LRIG3: variants seen among roughly 807,000 people sequenced by gnomAD.
LRIG3 encodes the protein leucine-rich repeats and immunoglobulin-like domains protein 3.
A neutral mutation model predicts 114.5 loss-of-function variants in LRIG3; 76 were observed. The ratio of observed to expected loss-of-function variants is 0.66; its 90% CI spans 0.55 to 0.80. The LOEUF (loss-of-function observed/expected upper bound fraction) is 0.80, where lower values mean the gene tolerates loss of function less well. LRIG3 is among the 30% of genes least tolerant of loss of function. The probability of loss-of-function intolerance (pLI) is 0.00; values close to 1 mark genes in which losing one functional copy is unlikely to be tolerated. For missense variants in LRIG3, 1,239 were observed against 1,382.8 expected (o/e 0.90, Z 1.65); for synonymous variants, 512 against 519.8 (o/e 0.98, Z 0.20).
chr12:58,909,266 C>CT (rs1419881661), intron 3 of LRIG3, among the ~76,000 whole-genome samples: 1 of 152,184 alleles, frequency 6.6e-6, no homozygotes, highest in Non-Finnish European at 1.5e-5. Flanking sequence ...TTCCTGTCTG[C>CT]TTTCTGAATC....
intron 16 of LRIG3, among the ~76,000 whole-genome samples, chr12:58,876,152 A>G (rs1358203407): frequency 6.6e-6 from 1 of 152,256 alleles, no homozygotes; most frequent in African/African-American, 2.4e-5. Flanking sequence ...AATATCATTT[A>G]AGGGCCAAAG....
At chr12:58,882,249 C>A (rs1387237456) in intron 12 of LRIG3, among the ~76,000 whole-genome samples, 4 of 152,142 alleles carry the variant, frequency 2.6e-5, no homozygotes, top group African/African-American at 9.7e-5. Flanking sequence ...ATGGCAGCAT[C>A]ATGTAATAGA....
intron 3 of LRIG3, among the ~76,000 whole-genome samples, chr12:58,899,854 T>A (rs568648328): frequency 2.0e-5 from 3 of 152,302 alleles, no homozygotes; most frequent in African/African-American, 7.2e-5. Context: ...AATGGCCACA[T>A]GTCAGTTTCT....
In LRIG3 at chr12:58,877,632, C is replaced by G; in HGVS notation, c.2304G>C (p.Glu768Asp). The change falls in exon 15 of 19, where the codon GAG (glutamate) becomes GAC (aspartate). Residue 768 changes from glutamate to aspartate, a missense_variant. Coordinates refer to ENST00000320743, the MANE Select transcript of LRIG3 (RefSeq NM_153377.5). Reference protein sequence around the residue: ...DVSDAGKYTCEMSNTLGTERG... With the variant: ...DVSDAGKYTCDMSNTLGTERG... Reference sequence around the variant, plus strand: ...TCTCAGTGCCAAGGGTGTTAGACATCTCACATGTGTATTTCCCAGCATCAC... The same window carrying G: ...TCTCAGTGCCAAGGGTGTTAGACATGTCACATGTGTATTTCCCAGCATCAC... 1 of 1,614,220 alleles carries G rather than the reference C, an allele frequency of 6.2e-7. No individual in the cohort carries two copies. Among genetic ancestry groups the G allele is most frequent in the Non-Finnish European group, 8.5e-7 (1 of 1,180,046 alleles).
chr12:58,890,287 T>C, intron 4 of LRIG3, 148 bp from the exon 5 acceptor site: 1 of 874,904 alleles, frequency 1.1e-6, no homozygotes, highest in Non-Finnish European at 1.7e-6. Flanking sequence ...AGGACAGATG[T>C]TAAGATTCAC....
At chr12:58,889,943 A>G in intron 5 of LRIG3, 53 bp downstream of exon 5, 1 of 1,584,602 alleles carries the variant, frequency 6.3e-7, no homozygotes, top group Non-Finnish European at 8.6e-7. Context: ...AGGAAAAGAC[A>G]CCAAGGGTTT....
At position 58,877,771 on chromosome 12, in the gene LRIG3, C is replaced by T. The variant is rs1295856236; in HGVS notation, c.2165G>A (p.Gly722Glu). 1 of 1,614,190 alleles carries T rather than the reference C, an allele frequency of 6.2e-7. No homozygotes were observed. Among genetic ancestry groups the T allele is most frequent in the Non-Finnish European group, 8.5e-7 (1 of 1,180,034 alleles). Residue 722 changes from glycine (G) to glutamate (E), a missense_variant, in exon 15 of 19, where the codon GGA becomes GAA. Coordinates refer to ENST00000320743, the MANE Select transcript of LRIG3 (RefSeq NM_153377.5). Reference sequence around the variant, plus strand: ...CCAGTTCAGTTTAGGGGGAGGGCTTCCTCCAGCAATGCACTGTAGGACGGC... The same window carrying T: ...CCAGTTCAGTTTAGGGGGAGGGCTTTCTCCAGCAATGCACTGTAGGACGGC... ...ETAVLQCIAG[G>E]SPPPKLNWTK...
In LRIG3 at chr12:58,880,912, T is replaced by C; in HGVS notation, c.1481-11A>G. 6.2e-7 allele frequency: 1 copy of C among 1,607,402 alleles called. No individual in the cohort carries two copies. Among genetic ancestry groups the C allele is most frequent in the South Asian group, 1.1e-5 (1 of 90,472 alleles). ...GTTTGGGAAAATCATCTGTTAAAAATGGAGAGGAGGAGACAAAACAATGTT... is the reference window on the plus strand; with the variant it reads ...GTTTGGGAAAATCATCTGTTAAAAACGGAGAGGAGGAGACAAAACAATGTT... On this transcript the variant is annotated splice_polypyrimidine_tract_variant and intron_variant, in intron 12 of 18. Coordinates refer to ENST00000320743, the MANE Select transcript of LRIG3 (RefSeq NM_153377.5).
rs980864901 is a variant in LRIG3 at position 58,919,936 on chromosome 12, C to T, written c.236+64G>A. ...CTGCACGCCGAACCCCATTCCCCGC[C>T]GGCTCCTGTTTTCTCGAATCTCCAG... On this transcript the variant is annotated intron_variant, in intron 1 of 18. Coordinates refer to ENST00000320743, the MANE Select transcript of LRIG3 (RefSeq NM_153377.5). 1.1e-5 allele frequency: 16 copies of T among 1,452,978 alleles called. No individual in the cohort carries two copies. In the African/African-American group the frequency reaches 2.3e-4, roughly 20 times the overall value. The allele number at this position is 1,452,978 out of a possible 1,614,324, so 90.0% of individuals were successfully genotyped here.
At chr12:58,917,135 A>T (rs1872507739) in intron 1 of LRIG3, among the ~76,000 whole-genome samples, 1 of 150,698 alleles carries the variant, frequency 6.6e-6, no homozygotes, top group African/African-American at 2.4e-5. Flanking sequence ...CCCCCACCCC[A>T]CCCCCAACTG....
chr12:58,896,962 A>G (rs1871665273), intron 3 of LRIG3, among the ~76,000 whole-genome samples: 1 of 152,210 alleles, frequency 6.6e-6, no homozygotes, highest in African/African-American at 2.4e-5. Context: ...GGTCACTTAT[A>G]TTTCCAACAA....
Position 58,885,862 on chromosome 12 carries a change from C to G in LRIG3, c.1213G>C (p.Ala405Pro). 1 of 1,591,168 alleles carries G rather than the reference C, an allele frequency of 6.3e-7. No homozygotes were observed. The highest frequency in any genetic ancestry group is 1.3e-5 in the African/African-American group (1 of 74,340). ...GNRIRSITKK[A>P]FTGLDALEHL... ...TCCAATGCATCCAAACCAGTGAAGGCTTTTTTAGTAATAGAACGGATCCGA... is the reference window on the plus strand; with the variant it reads ...TCCAATGCATCCAAACCAGTGAAGGGTTTTTTAGTAATAGAACGGATCCGA... Residue 405 changes from alanine to proline, a missense_variant, in exon 10 of 19, where the codon GCC becomes CCC. Coordinates refer to ENST00000320743, the MANE Select transcript of LRIG3 (RefSeq NM_153377.5).
At chr12:58,915,294 C>T (rs1365539631) in intron 1 of LRIG3, among the ~76,000 whole-genome samples, 1 of 152,132 alleles carries the variant, frequency 6.6e-6, no homozygotes, top group African/African-American at 2.4e-5. Context: ...TGAAGCTTCC[C>T]ACTGAAAGGG....
intron 3 of LRIG3, among the ~76,000 whole-genome samples, chr12:58,899,345 G>A (rs1221240608): frequency 1.3e-5 from 2 of 151,988 alleles, no homozygotes; most frequent in East Asian, 1.9e-4. Context: ...TTCCACTGAC[G>A]TCTCTTTGTG....
rs759505812 is a variant in LRIG3 at position 58,878,984 on chromosome 12, G to A, written c.1923C>T (p.Gly641=). 5 of 1,614,178 alleles carry A rather than the reference G, an allele frequency of 3.1e-6. No individual in the cohort carries two copies. Among genetic ancestry groups the A allele is most frequent in the Non-Finnish European group, 4.2e-6 (5 of 1,180,030 alleles). ...APQIAWQKDG[G]TDFPAARERR... ...TCTCCCGTGCAGCTGGGAAGTCTGT[G>A]CCCCCATCCTTCTGCCAGGCTATCT... The change falls in exon 14 of 19, where the codon GGC becomes GGT. Residue 641 remains glycine (G), a synonymous_variant. Coordinates refer to ENST00000320743, the MANE Select transcript of LRIG3 (RefSeq NM_153377.5).
At chr12:58,912,288 A>G (rs1207681663) in intron 3 of LRIG3, among the ~76,000 whole-genome samples, 2 of 152,180 alleles carry the variant, frequency 1.3e-5, no homozygotes, top group East Asian at 3.9e-4. Context: ...CGAGGTCAGG[A>G]GATCGAGACC....
At chr12:58,880,955 A>T in intron 12 of LRIG3, 54 bp from the exon 13 acceptor site, 1 of 1,519,682 alleles carries the variant, frequency 6.6e-7, no homozygotes. Context: ...AAGAGTCCAA[A>T]TACTACTCAA....
At chr12:58,915,361 A>T (rs1209202674) in intron 1 of LRIG3, among the ~76,000 whole-genome samples, 1 of 152,220 alleles carries the variant, frequency 6.6e-6, no homozygotes, top group African/African-American at 2.4e-5. Context: ...TAAATAACCA[A>T]AGTTGATTGG....
intron 3 of LRIG3, among the ~76,000 whole-genome samples, chr12:58,911,674 T>A (rs1381422302): frequency 6.6e-6 from 1 of 152,040 alleles, no homozygotes; most frequent in Non-Finnish European, 1.5e-5. Context: ...AGATTTTTTT[T>A]AATCTCAGAA....
Sources: allele counts gnomAD v4.1 joint callset (sites outside exome capture counted in the v4.1 genomes callset), GRCh38; gene constraint gnomAD v4.1.1; transcripts MANE v1.5; gene names NCBI Gene and HGNC (gene_info 2026-07-23, HGNC 2026-07-21).